The following ATXN7 variants were observed in gnomAD, a reference collection of about 807,000 sequenced individuals.
The protein encoded by ATXN7 is ataxin-7.
In ATXN7, 12 loss-of-function variants were observed where a neutral mutation model predicts 70.5. That is an observed-to-expected ratio of 0.17 (90% CI 0.11 to 0.28). The LOEUF is 0.28. Among genes scored for constraint, ATXN7 ranks in the 10% least tolerant of loss-of-function variants. The probability of loss-of-function intolerance (pLI) is 1.00; values close to 1 mark genes in which losing one functional copy is unlikely to be tolerated. For synonymous variants in ATXN7, 498 were observed against 448.7 expected, an observed-to-expected ratio of 1.11 and a Z score of -1.39; for missense variants, 1,256 against 1,131.7, an observed-to-expected ratio of 1.11 and a Z score of -1.58.
intron 4 of ATXN7, among the ~76,000 whole-genome samples, chr3:63,929,269 CTTTT>C (rs1029963204): frequency 2.9e-5 from 4 of 136,642 alleles, no homozygotes; most frequent in Non-Finnish European, 1.6e-5. Flanking sequence ...CTCTCTCTCT[CTTTT>C]TTTTTTTTTT....
chr3:63,919,868 T>C (rs1704439592), intron 4 of ATXN7, among the ~76,000 whole-genome samples: 1 of 149,488 alleles, frequency 6.7e-6, no homozygotes, highest in Non-Finnish European at 1.5e-5. Flanking sequence ...CCAAGAGCCA[T>C]GGACCATGAG....
At position 63,998,546 on chromosome 3, in the gene ATXN7, CTTAAAATCAG is replaced by C. The variant is rs1214663646; in HGVS notation, c.2662-891_2662-882del. The stretch of plus-strand genomic sequence containing the variant: ...AGACAGCCTAACTTTGGGCTTTTTC[CTTAAAATCAG>C]TTAAAATCAGTTTCCACTTAAGTTT... On this transcript the variant is annotated intron_variant, in intron 12 of 12. Coordinates refer to ENST00000674280, the MANE Select transcript of ATXN7 (RefSeq NM_001377405.1). The C allele has an allele frequency of 7.5e-5, 74 of 985,142 alleles. 1 individual carries two copies. The highest frequency in any genetic ancestry group is 3.4e-4 in the East Asian group (3 of 8,810). 61.0% of individuals were successfully genotyped at this position (985,142 alleles called of 1,614,324 possible).
chr3:63,994,571 T>G (rs538721096), intron 11 of ATXN7, among the ~76,000 whole-genome samples: 1 of 152,280 alleles, frequency 6.6e-6, no homozygotes, highest in Admixed American at 6.5e-5. Flanking sequence ...ATACTTGCAG[T>G]CATTAATTCA....
chr3:63,990,064 G>A (rs544457106), intron 9 of ATXN7, 112 bp from the exon 10 acceptor site: 6 of 995,316 alleles, frequency 6.0e-6, no homozygotes, highest in Non-Finnish European at 9.0e-6. Context: ...CAGTGCTAGA[G>A]GTGGAACCCA....
chr3:63,891,742 T>C (rs1370213598), intron 1 of ATXN7, among the ~76,000 whole-genome samples: 1 of 152,214 alleles, frequency 6.6e-6, no homozygotes, highest in Non-Finnish European at 1.5e-5. Flanking sequence ...TAGGTGACTA[T>C]TGGCGATCTC....
chr3:63,997,916 G>A, intron 12 of ATXN7: 2 of 985,392 alleles, frequency 2.0e-6, no homozygotes, highest in Non-Finnish European at 2.4e-6. Context: ...ATTATATGTT[G>A]TTTGGCATTC....
intron 8 of ATXN7, 104 bp downstream of exon 8, chr3:63,983,125 G>C (rs2075517463): frequency 6.5e-6 from 6 of 929,856 alleles, no homozygotes; most frequent in Non-Finnish European, 1.0e-5. Context: ...AAGATGCTCT[G>C]TGGATTGTTG....
Position 63,892,407 on chromosome 3 carries a change from CACA to C in ATXN7, c.-110-5991_-110-5989del, listed in dbSNP as rs757098413. On this transcript the variant is annotated intron_variant, in intron 1 of 12. Coordinates refer to ENST00000674280, the MANE Select transcript of ATXN7 (RefSeq NM_001377405.1). ...ACACACACACACACACACACACACACACACCCGCCAACTCCTGTCAACAGGAGT... is the reference window on the plus strand; with the variant it reads ...ACACACACACACACACACACACACACCCCGCCAACTCCTGTCAACAGGAGT... Among the ~76,000 whole-genome samples the C allele has an allele frequency of 1.5e-3, 184 of 122,292 alleles. 2 individuals are homozygous for C. The highest frequency in any genetic ancestry group is 6.9e-3 in the East Asian group (27 of 3,886). The allele number at this position is 122,292 out of a possible 152,430, so 80.2% of individuals were successfully genotyped here.
chr3:63,885,809 G>C (rs138547268), intron 1 of ATXN7, among the ~76,000 whole-genome samples: 3,133 of 152,166 alleles, frequency 0.021, 53 homozygotes, highest in Middle Eastern at 0.048. Flanking sequence ...TTGAGACCAG[G>C]AGTTCAACCT....
intron 1 of ATXN7, chr3:63,865,527 A>G (rs1702386439): frequency 6.6e-6 from 1 of 152,210 alleles, no homozygotes; most frequent in African/African-American, 2.4e-5. Flanking sequence ...TACAGATTGT[A>G]AACTGAAATT....
chr3:63,883,415 G>A (rs1702976638), intron 1 of ATXN7, among the ~76,000 whole-genome samples: 1 of 152,036 alleles, frequency 6.6e-6, no homozygotes, highest in African/African-American at 2.4e-5. Flanking sequence ...GTGTTGCATG[G>A]GATTAACTCC....
Position 63,980,063 on chromosome 3 carries a change from A to G in ATXN7, c.648A>G (p.Ser216=). ...SSSGGVLSAS[S]SSSKLLKSPK... ...GTGGAGGTGTTCTTAGCGCATCCTCATCAAGTTCCAAGTTGTTGAAATCAC... is the reference window on the plus strand; with the variant it reads ...GTGGAGGTGTTCTTAGCGCATCCTCGTCAAGTTCCAAGTTGTTGAAATCAC... The change falls in exon 6 of 13, where the codon TCA becomes TCG. Residue 216 remains serine (S), a synonymous_variant. Transcript: ENST00000674280. The G allele has an allele frequency of 1.2e-6, 2 of 1,614,210 alleles. No homozygotes were observed. Among genetic ancestry groups the G allele is most frequent in the Middle Eastern group, 1.6e-4 (1 of 6,062 alleles).
chr3:63,883,095 C>A (rs1375562470), intron 1 of ATXN7, among the ~76,000 whole-genome samples: 2 of 152,162 alleles, frequency 1.3e-5, no homozygotes, highest in African/African-American at 4.8e-5. Flanking sequence ...GGCTTACCTT[C>A]CATCAACCTC....
At chr3:63,971,460 C>G (rs1164880754) in intron 5 of ATXN7, among the ~76,000 whole-genome samples, 1 of 152,122 alleles carries the variant, frequency 6.6e-6, no homozygotes. Flanking sequence ...ATAAAAAGGA[C>G]CTGGGACTAC....
chr3:63,990,685 T>A, intron 10 of ATXN7, 53 bp from the exon 11 acceptor site: 1 of 1,613,430 alleles, frequency 6.2e-7, no homozygotes, highest in Non-Finnish European at 8.5e-7. Flanking sequence ...GAACCCTGAC[T>A]GGGCATGCCA....
intron 4 of ATXN7, among the ~76,000 whole-genome samples, chr3:63,944,662 G>A (rs2074826853): frequency 1.3e-5 from 2 of 152,212 alleles, no homozygotes; most frequent in African/African-American, 2.4e-5. Flanking sequence ...ATGAATAAGC[G>A]GGGATTACTG....
chr3:63,906,554 T>C (rs1172922532), intron 2 of ATXN7, among the ~76,000 whole-genome samples: 1 of 152,220 alleles, frequency 6.6e-6, no homozygotes, highest in Non-Finnish European at 1.5e-5. Flanking sequence ...TCACCTTGAT[T>C]TCAGAGCATA....
chr3:63,916,533 G>C (rs1179785788), intron 4 of ATXN7, among the ~76,000 whole-genome samples: 1 of 152,140 alleles, frequency 6.6e-6, no homozygotes, highest in Non-Finnish European at 1.5e-5. Context: ...TATCAGGCAA[G>C]ACTACCCAAG....
At chr3:63,918,242 G>A (rs973977407) in intron 4 of ATXN7, among the ~76,000 whole-genome samples, 2 of 152,154 alleles carry the variant, frequency 1.3e-5, no homozygotes, top group African/African-American at 4.8e-5. Flanking sequence ...AGTAAACACA[G>A]ACTGAGTCAA....
Sources: gnomAD v4.1 joint callset for allele counts (sites outside exome capture counted in the v4.1 genomes callset) on GRCh38, gnomAD v4.1.1 for gene constraint, MANE v1.5 for transcripts, NCBI Gene and HGNC (gene_info 2026-07-23, HGNC 2026-07-21) for gene names.